The following TM9SF2 variants were observed in gnomAD, a reference collection of about 807,000 sequenced individuals.
TM9SF2 encodes the protein transmembrane 9 superfamily member 2.
A neutral mutation model predicts 84.9 loss-of-function variants in TM9SF2; 13 were observed. That is an observed-to-expected ratio of 0.15 (90% CI 0.10 to 0.24). TM9SF2 has a LOEUF of 0.24. Ranked by LOEUF, TM9SF2 falls within the 10% of genes least tolerant of loss-of-function variation. TM9SF2 has a pLI of 1.00. For synonymous variants in TM9SF2, 273 were observed against 285.8 expected (o/e 0.96, Z 0.45); for missense variants, 562 against 818.5 (o/e 0.69, Z 3.82).
intron 1 of TM9SF2, among the ~76,000 whole-genome samples, chr13:99,512,165 C>T (rs1400102817): frequency 1.3e-5 from 2 of 152,150 alleles, no homozygotes; most frequent in Admixed American, 6.5e-5. Flanking sequence ...GCTGATAAAC[C>T]TTTATTCAGA....
chr13:99,542,651 A>T (rs1279913333), intron 9 of TM9SF2, among the ~76,000 whole-genome samples: 3 of 152,056 alleles, frequency 2.0e-5, no homozygotes, highest in African/African-American at 7.2e-5. Context: ...ATATATGAAT[A>T]TTCATAAGCT....
At chr13:99,507,598 T>C (rs1468516175) in intron 1 of TM9SF2, among the ~76,000 whole-genome samples, 1 of 152,230 alleles carries the variant, frequency 6.6e-6, no homozygotes, top group Admixed American at 6.5e-5. Flanking sequence ...GCTGATCGGA[T>C]AACTCAGAGC....
chr13:99,540,318 G>T (rs1264323746), intron 7 of TM9SF2, among the ~76,000 whole-genome samples: 1 of 150,904 alleles, frequency 6.6e-6, no homozygotes, highest in African/African-American at 2.4e-5. Context: ...AGCTCAGTGT[G>T]CCTGGAATGA....
intron 9 of TM9SF2, among the ~76,000 whole-genome samples, chr13:99,542,630 T>C (rs2046265703): frequency 6.6e-6 from 1 of 152,028 alleles, no homozygotes; most frequent in Non-Finnish European, 1.5e-5. Context: ...CCTGTTCTGA[T>C]TGGGGAAAAT....
At chr13:99,516,308 T>A (rs958436917) in intron 1 of TM9SF2, among the ~76,000 whole-genome samples, 1 of 152,206 alleles carries the variant, frequency 6.6e-6, no homozygotes, top group Non-Finnish European at 1.5e-5. Flanking sequence ...TGTAGAGGAC[T>A]GTTGACAGCA....
At chr13:99,559,279 A>G in intron 15 of TM9SF2, 84 bp from the exon 16 acceptor site, 1 of 1,230,248 alleles carries the variant, frequency 8.1e-7, no homozygotes, top group Non-Finnish European at 1.1e-6. Context: ...TGTCTCATTT[A>G]TTATGCTTGC....
intron 15 of TM9SF2, among the ~76,000 whole-genome samples, chr13:99,557,949 A>T (rs1667131133): frequency 6.6e-6 from 1 of 152,210 alleles, no homozygotes; most frequent in Non-Finnish European, 1.5e-5. Context: ...TAAGTGTTAT[A>T]GCTTTACCTC....
intron 1 of TM9SF2, among the ~76,000 whole-genome samples, chr13:99,515,297 A>AT (rs1179026349): frequency 6.6e-6 from 1 of 152,258 alleles, no homozygotes; most frequent in African/African-American, 2.4e-5. Flanking sequence ...ACATATCTTC[A>AT]TAGCAGTGTT....
At chr13:99,525,910 G>A (rs1344362701) in intron 3 of TM9SF2, among the ~76,000 whole-genome samples, 1 of 152,188 alleles carries the variant, frequency 6.6e-6, no homozygotes, top group Non-Finnish European at 1.5e-5. Flanking sequence ...AGTGTGATCA[G>A]TAGATACGGG....
chr13:99,534,555 G>A (rs139086231), intron 4 of TM9SF2, among the ~76,000 whole-genome samples: 19 of 152,320 alleles, frequency 1.2e-4, no homozygotes, highest in African/African-American at 4.1e-4. Context: ...TTTTCTGAGT[G>A]CATTGTGACA....
At chr13:99,502,904 T>A (rs921563269) in intron 1 of TM9SF2, among the ~76,000 whole-genome samples, 2 of 152,248 alleles carry the variant, frequency 1.3e-5, no homozygotes, top group Non-Finnish European at 2.9e-5. Flanking sequence ...AAGCTTTAAA[T>A]TTTTCATAAC....
chr13:99,538,800 G>A (rs911106587), intron 6 of TM9SF2, among the ~76,000 whole-genome samples: 2 of 151,840 alleles, frequency 1.3e-5, no homozygotes, highest in African/African-American at 4.8e-5. Context: ...GTAGGAGGCT[G>A]AAGTGGGAGG....
chr13:99,552,189 A>T lies in TM9SF2; in HGVS notation c.1351A>T (p.Ile451Leu). 1 of 1,613,952 alleles carries T rather than the reference A, an allele frequency of 6.2e-7. No individual in the cohort carries two copies. Among genetic ancestry groups the T allele is most frequent in the Non-Finnish European group, 8.5e-7 (1 of 1,179,954 alleles). The change falls in exon 13 of 17, where the codon ATA (isoleucine) becomes TTA (leucine). Residue 451 changes from isoleucine to leucine, a missense_variant. Coordinates refer to ENST00000376387, the MANE Select transcript of TM9SF2 (RefSeq NM_004800.3). Reference sequence around the variant, plus strand: ...CAGGATTGTATTTGCTGACTTCTTTATAATGAATCTGATCCTCTGGGGAGA... The same window carrying T: ...CAGGATTGTATTTGCTGACTTCTTTTTAATGAATCTGATCCTCTGGGGAGA... ...CPGIVFADFFIMNLILWGEGS... is the reference protein window; with the variant it reads ...CPGIVFADFFLMNLILWGEGS...
intron 3 of TM9SF2, among the ~76,000 whole-genome samples, chr13:99,529,179 G>A (rs2046197088): frequency 6.6e-6 from 1 of 152,080 alleles, no homozygotes; most frequent in African/African-American, 2.4e-5. Flanking sequence ...TGTTCTACAT[G>A]GGATTTTTTT....
At chr13:99,501,934 T>TG (rs371315662) in intron 1 of TM9SF2, among the ~76,000 whole-genome samples, 157 bp downstream of exon 1, 74 of 152,020 alleles carry the variant, frequency 4.9e-4, no homozygotes, top group African/African-American at 1.6e-3. Context: ...GGGCTGTGGG[T>TG]GGGGGGCTCT....
At chr13:99,509,055 C>T (rs1370620203) in intron 1 of TM9SF2, among the ~76,000 whole-genome samples, 3 of 152,212 alleles carry the variant, frequency 2.0e-5, no homozygotes, top group African/African-American at 7.2e-5. Context: ...AGGAAAGTCC[C>T]TTCTACCTAT....
At chr13:99,516,147 T>C (rs561757942) in intron 1 of TM9SF2, among the ~76,000 whole-genome samples, 1 of 152,268 alleles carries the variant, frequency 6.6e-6, no homozygotes, top group South Asian at 2.1e-4. Flanking sequence ...GTTAGACAAG[T>C]GATGGCCCCG....
At position 99,543,869 on chromosome 13, in the gene TM9SF2, G is replaced by A; in HGVS notation, c.1024G>A (p.Ala342Thr). 1 of 1,613,956 alleles carries A rather than the reference G, an allele frequency of 6.2e-7. No homozygotes were observed. Among genetic ancestry groups the A allele is most frequent in the Non-Finnish European group, 8.5e-7 (1 of 1,179,924 alleles). ...GATTTCATTCCCCTTTTAGGAAGAT[G>A]CCCAGGAAGAATTTGGCTGGAAACT... ...RYNQMDSTEDAQEEFGWKLVH... is the reference protein window; with the variant it reads ...RYNQMDSTEDTQEEFGWKLVH... Residue 342 changes from alanine (A) to threonine (T), a missense_variant, in exon 10 of 17, where the codon GCC becomes ACC. This residue lies in a region of TM9SF2 where 219 missense variants were observed against 338.1 expected (regional missense o/e 0.65). Transcript: ENST00000376387.
At chr13:99,541,725 CA>C in intron 9 of TM9SF2, 58 bp downstream of exon 9, 1 of 1,154,142 alleles carries the variant, frequency 8.7e-7, no homozygotes, top group Non-Finnish European at 1.2e-6. Context: ...TGTTATTTTG[CA>C]AAAAGGTAAA....
Sources: gnomAD v4.1 joint callset for allele counts (sites outside exome capture counted in the v4.1 genomes callset) on GRCh38, gnomAD v4.1.1 for gene constraint, gnomAD v4.1.1 regional missense constraint, MANE v1.5 for transcripts, NCBI Gene and HGNC (gene_info 2026-07-23, HGNC 2026-07-21) for gene names.